Variants in KLHL14 observed in about 807,000 individuals in gnomAD.
The protein encoded by KLHL14 is kelch like family member 14.
Under a neutral mutation model 64.3 loss-of-function variants are expected in KLHL14, and 22 were observed. The ratio of observed to expected loss-of-function variants is 0.34; its 90% CI spans 0.24 to 0.49. The LOEUF (loss-of-function observed/expected upper bound fraction) is 0.49. Ranked by LOEUF, KLHL14 falls within the 20% of genes least tolerant of loss-of-function variation. The probability of loss-of-function intolerance (pLI) is 0.99; values close to 1 mark genes in which losing one functional copy is unlikely to be tolerated. For missense variants in KLHL14, 661 were observed against 789.0 expected (o/e 0.84, Z 1.94); for synonymous variants, 322 against 333.4 (o/e 0.97, Z 0.37).
In KLHL14 at chr18:32,738,544, T is replaced by C. The variant is rs1457422515; in HGVS notation, c.1069+3384A>G. On this transcript the variant is annotated intron_variant, in intron 3 of 8. Transcript: ENST00000359358. Reference sequence around the variant, plus strand: ...AACACTTCACATTTACAAAAAGACGTTGCAGTCATTTTTACATGTTATTTC... The same window carrying C: ...AACACTTCACATTTACAAAAAGACGCTGCAGTCATTTTTACATGTTATTTC... 5.9e-5 allele frequency: 9 copies of C among 152,298 alleles called. No homozygotes were observed. The South Asian group carries it at 1.2e-3, about 21-fold the overall frequency. 9.4% of individuals were successfully genotyped at this position (152,298 alleles called of 1,614,324 possible).
chr18:32,740,049 A>G (rs1316732113), intron 3 of KLHL14, among the ~76,000 whole-genome samples: 1 of 152,188 alleles, frequency 6.6e-6, no homozygotes, highest in Non-Finnish European at 1.5e-5. Context: ...CATGACTCCA[A>G]ATATTTATAT....
At chr18:32,771,859 TGCAGCC>T (rs1486275594) in intron 1 of KLHL14, among the ~76,000 whole-genome samples, 1 of 151,906 alleles carries the variant, frequency 6.6e-6, no homozygotes, top group African/African-American at 2.4e-5. Flanking sequence ...CATCGTCGCC[TGCAGCC>T]GCAGCTCCCT....
Position 32,691,445 on chromosome 18 carries a change from A to G in KLHL14, c.1159+4018T>C, listed in dbSNP as rs543207258. 5.9e-5 allele frequency among the ~76,000 whole-genome samples: 9 copies of G among 152,236 alleles called. No homozygotes were observed. The South Asian group carries it at 1.7e-3, about 28-fold the overall frequency. On this transcript the variant is annotated intron_variant, in intron 4 of 8. Transcript: ENST00000359358. ...TGTAGTCCCAGCTACTCAGGAGGCTAAGGTGACAGGATTGCTCAAAGTCGG... is the reference window on the plus strand; with the variant it reads ...TGTAGTCCCAGCTACTCAGGAGGCTGAGGTGACAGGATTGCTCAAAGTCGG...
intron 3 of KLHL14, among the ~76,000 whole-genome samples, chr18:32,729,599 C>A (rs1056343559): frequency 4.0e-5 from 6 of 151,782 alleles, no homozygotes; most frequent in African/African-American, 7.3e-5. Context: ...GGTTTTAGGA[C>A]CCACCCTAAT....
chr18:32,676,101 C>T (rs1209421501), intron 8 of KLHL14, among the ~76,000 whole-genome samples: 1 of 151,958 alleles, frequency 6.6e-6, no homozygotes, highest in African/African-American at 2.4e-5. Flanking sequence ...AAGCCACCTT[C>T]GCAGGTGTTT....
At chr18:32,741,093 A>T (rs1449527095) in intron 3 of KLHL14, among the ~76,000 whole-genome samples, 2 of 152,220 alleles carry the variant, frequency 1.3e-5, no homozygotes, top group Admixed American at 6.5e-5. Flanking sequence ...TGATTTATGG[A>T]TTAAAATTGC....
At chr18:32,714,884 GT>G (rs1361533767) in intron 3 of KLHL14, among the ~76,000 whole-genome samples, 5 of 134,168 alleles carry the variant, frequency 3.7e-5, no homozygotes, top group Non-Finnish European at 8.1e-5. Flanking sequence ...AACTCTGGTG[GT>G]CCTTTTTTTT....
At chr18:32,741,623 A>T (rs2144530193) in intron 3 of KLHL14, among the ~76,000 whole-genome samples, 1 of 152,312 alleles carries the variant, frequency 6.6e-6, no homozygotes, top group African/African-American at 2.4e-5. Flanking sequence ...AACAACAACA[A>T]AAAGAACAGA....
chr18:32,703,162 T>G (rs1320741049), intron 3 of KLHL14, among the ~76,000 whole-genome samples: 1 of 152,184 alleles, frequency 6.6e-6, no homozygotes, highest in African/African-American at 2.4e-5. Context: ...TGCTATCATC[T>G]CTGTAGCTTC....
intron 5 of KLHL14, among the ~76,000 whole-genome samples, chr18:32,686,045 T>C (rs2049876228): frequency 6.6e-6 from 1 of 150,798 alleles, no homozygotes; most frequent in South Asian, 2.1e-4. Flanking sequence ...GGAGTCTTAC[T>C]TTGTTGCCCA....
chr18:32,698,933 C>T lies in KLHL14; in HGVS notation c.1070-3381G>A, dbSNP rs191364589. ...TTAAGAAAGTAGGAATCAGGTAATA[C>T]TGTAAAATAAACTTGGAGAGGATAT... On this transcript the variant is annotated intron_variant, in intron 3 of 8. Coordinates refer to ENST00000359358, the MANE Select transcript of KLHL14 (RefSeq NM_020805.3). Among the ~76,000 whole-genome samples the T allele has an allele frequency of 9.1e-4, 138 of 152,196 alleles. 1 individual carries two copies. Among genetic ancestry groups the T allele is most frequent in the African/African-American group, 3.3e-3 (136 of 41,532 alleles).
intron 2 of KLHL14, among the ~76,000 whole-genome samples, chr18:32,762,493 C>T (rs1046167952): frequency 6.6e-6 from 1 of 151,936 alleles, no homozygotes; most frequent in African/African-American, 2.4e-5. Context: ...TCTCATTACC[C>T]TATAATTTAT....
At chr18:32,717,189 T>C (rs530407144) in intron 3 of KLHL14, among the ~76,000 whole-genome samples, 2 of 152,358 alleles carry the variant, frequency 1.3e-5, no homozygotes, top group East Asian at 3.9e-4. Flanking sequence ...CTGTCATTGA[T>C]GTGGTATGTG....
chr18:32,739,720 T>C, intron 3 of KLHL14, among the ~76,000 whole-genome samples: 1 of 151,986 alleles, frequency 6.6e-6, no homozygotes, highest in African/African-American at 2.4e-5. Flanking sequence ...AATAGATAGA[T>C]ACCCTTTTCT....
chr18:32,686,177 A>ATTTTTTTTTTTTTTTT (rs148393455), intron 5 of KLHL14, among the ~76,000 whole-genome samples: 7 of 107,650 alleles, frequency 6.5e-5, no homozygotes, highest in African/African-American at 7.2e-5. Context: ...GTGCCCGGCT[A>ATTTTTTTTTTTTTTTT]TTTTTTTTTT....
At chr18:32,739,928 G>A (rs960626747) in intron 3 of KLHL14, among the ~76,000 whole-genome samples, 2 of 152,130 alleles carry the variant, frequency 1.3e-5, no homozygotes, top group African/African-American at 4.8e-5. Flanking sequence ...TGATGTTACA[G>A]TAATAGCAAT....
At chr18:32,696,549 C>G (rs2049937618) in intron 3 of KLHL14, among the ~76,000 whole-genome samples, 1 of 152,132 alleles carries the variant, frequency 6.6e-6, no homozygotes, top group Non-Finnish European at 1.5e-5. Context: ...TAGGTGAGGA[C>G]AAATGGGGAG....
chr18:32,695,910 GGGTTACTTCTTGGAAGAAGTAA>G (rs1423773473), intron 3 of KLHL14, among the ~76,000 whole-genome samples: 1 of 152,034 alleles, frequency 6.6e-6, no homozygotes, highest in African/African-American at 2.4e-5. Flanking sequence ...GTCAGGGCTG[GGGTTACTTCTTGGAAGAAGTAA>G]CCCTGAATAC....
intron 2 of KLHL14, among the ~76,000 whole-genome samples, chr18:32,746,260 C>T (rs1568081279): frequency 6.6e-6 from 1 of 152,188 alleles, no homozygotes; most frequent in African/African-American, 2.4e-5. Context: ...TGTCTTTGAT[C>T]TGAGTTCCTT....
Sources: allele counts gnomAD v4.1 joint callset (sites outside exome capture counted in the v4.1 genomes callset), GRCh38; gene constraint gnomAD v4.1.1; transcripts MANE v1.5; gene names NCBI Gene and HGNC (gene_info 2026-07-23, HGNC 2026-07-21).